LAMB3: variants seen among roughly 807,000 people sequenced by gnomAD.
LAMB3 encodes the protein laminin subunit beta 3.
In LAMB3, 104 loss-of-function variants were observed where a neutral mutation model predicts 140.3. The observed-to-expected ratio is 0.74, with a 90% CI of 0.63 to 0.87. The LOEUF (loss-of-function observed/expected upper bound fraction) is 0.87. Ranked by LOEUF, LAMB3 falls within the 40% of genes least tolerant of loss-of-function variation. The pLI is 0.00. For missense variants in LAMB3, 1,531 were observed against 1,575.2 expected (o/e 0.97, Z 0.47); for synonymous variants, 592 against 602.9 (o/e 0.98, Z 0.26).
At chr1:209,638,511 T>G in intron 4 of LAMB3, 23 bp downstream of exon 4, 1 of 1,477,312 alleles carries the variant, frequency 6.8e-7, no homozygotes, top group Non-Finnish European at 9.5e-7. Flanking sequence ...CAGTTTGAGT[T>G]CCCGTAGATG....
intron 3 of LAMB3, among the ~76,000 whole-genome samples, chr1:209,646,251 C>T (rs760692261): frequency 3.9e-5 from 6 of 152,128 alleles, no homozygotes; most frequent in East Asian, 3.9e-4. Context: ...CAGAGATGAC[C>T]GAAGGGCATG....
Position 209,632,646 on chromosome 1 carries a change from G to A in LAMB3, c.759C>T (p.His253=), listed in dbSNP as rs778399071. Residue 253 remains histidine, a synonymous_variant, in exon 8 of 23, where the codon CAC becomes CAT. Coordinates refer to ENST00000356082, the MANE Select transcript of LAMB3 (RefSeq NM_000228.3). The stretch of plus-strand genomic sequence containing the variant: ...TGGGTGCGCAGCGATCAGCATGGCC[G>A]TGACAGAAGCAGCTCCCCTGCAGAC... ...QLRLQGSCFC[H]GHADRCAPKP... 3.8e-5 allele frequency: 62 copies of A among 1,614,004 alleles called. No individual in the cohort carries two copies. Among genetic ancestry groups the A allele is most frequent in the Middle Eastern group, 1.6e-4 (1 of 6,084 alleles).
In LAMB3 at chr1:209,629,806, A is replaced by AGTTCTTGC; in HGVS notation, c.1055_1062dup (p.Cys355AlafsTer44). The AGTTCTTGC allele has an allele frequency of 6.2e-7, 1 of 1,614,006 alleles. No homozygotes were observed. The highest frequency in any genetic ancestry group is 2.2e-5 in the East Asian group (1 of 44,884). Reference sequence around the variant, plus strand: ...AAATAGTGCAGCTGACACCGCTCACAGTTCTTGCCTTCGGTGTGGTCCCGG... The same window carrying AGTTCTTGC: ...AAATAGTGCAGCTGACACCGCTCACAGTTCTTGCGTTCTTGCCTTCGGTGTGGTCCCGG... On this transcript the variant is annotated frameshift_variant, in exon 10 of 23. Transcript: ENST00000356082. LOFTEE classifies it high-confidence loss of function.
At chr1:209,651,716 G>A (rs890205302) in intron 1 of LAMB3, among the ~76,000 whole-genome samples, 1 of 152,166 alleles carries the variant, frequency 6.6e-6, no homozygotes, top group African/African-American at 2.4e-5. Flanking sequence ...ATGCTCGAAA[G>A]CCACCGTGGG....
chr1:209,619,515 C>T (rs1558148634), intron 18 of LAMB3, among the ~76,000 whole-genome samples: 1 of 152,204 alleles, frequency 6.6e-6, no homozygotes, highest in Non-Finnish European at 1.5e-5. Context: ...AGCTCAGTTT[C>T]CTGATCGGTG....
chr1:209,648,674 T>C (rs562629296), intron 3 of LAMB3, among the ~76,000 whole-genome samples: 2 of 152,180 alleles, frequency 1.3e-5, no homozygotes, highest in South Asian at 4.1e-4. Context: ...CAGACAGGAC[T>C]GGGATCAAGG....
intron 8 of LAMB3, 62 bp downstream of exon 8, chr1:209,632,521 A>G: frequency 7.5e-7 from 1 of 1,340,606 alleles, no homozygotes; most frequent in Admixed American, 2.0e-5. Flanking sequence ...GAGCCCCAAG[A>G]ATGTCTGTAG....
At chr1:209,622,877 TA>T in intron 17 of LAMB3, 104 bp downstream of exon 17, 1 of 1,443,570 alleles carries the variant, frequency 6.9e-7, no homozygotes, top group Non-Finnish European at 9.7e-7. Context: ...GCAGGTCACC[TA>T]AAATCTCTGG....
intron 5 of LAMB3, among the ~76,000 whole-genome samples, chr1:209,636,788 C>G (rs1301853183): frequency 6.6e-6 from 1 of 152,226 alleles, no homozygotes; most frequent in African/African-American, 2.4e-5. Flanking sequence ...TGGGTGCACT[C>G]CCTGACAAGC....
chr1:209,638,170 T>C (rs1434696017), intron 4 of LAMB3, among the ~76,000 whole-genome samples, 189 bp from the exon 5 acceptor site: 1 of 152,204 alleles, frequency 6.6e-6, no homozygotes, highest in Non-Finnish European at 1.5e-5. Context: ...TCCTATCTGT[T>C]TTTGGCTAAG....
At chr1:209,651,313 T>G (rs182732990) in intron 1 of LAMB3, 80 of 316,156 alleles carry the variant, frequency 2.5e-4, no homozygotes, top group African/African-American at 1.5e-3. Context: ...AGGAAAAGGC[T>G]GGACCCTTTG....
chr1:209,630,791 TG>T, intron 8 of LAMB3, 56 bp from the exon 9 acceptor site: 3 of 1,597,132 alleles, frequency 1.9e-6, no homozygotes, highest in Non-Finnish European at 2.6e-6. Flanking sequence ...GCACCAGGGA[TG>T]GACCTGCCCA....
Position 209,637,952 on chromosome 1 carries a change from G to T in LAMB3, c.328C>A (p.Leu110Met). The T allele has an allele frequency of 6.2e-7, 1 of 1,613,380 alleles. No homozygotes were observed. ...TCTTGAAGCTGGAATCTCCTGTCCA[G>T]GTCCAGCTGCAGAGAGACAGGGTTC... ...DVNPVSLQLD[L>M]DRRFQLQEVM... Residue 110 changes from leucine (L) to methionine (M), a missense_variant, in exon 5 of 23, where the codon CTG becomes ATG. Coordinates refer to ENST00000356082, the MANE Select transcript of LAMB3 (RefSeq NM_000228.3).
chr1:209,637,297 C>T (rs1571827610), intron 5 of LAMB3, among the ~76,000 whole-genome samples: 1 of 152,142 alleles, frequency 6.6e-6, no homozygotes, highest in African/African-American at 2.4e-5. Context: ...ATCTTATTAA[C>T]CAAATTTGAT....
chr1:209,630,884 A>G, intron 8 of LAMB3, 149 bp from the exon 9 acceptor site: 2 of 866,252 alleles, frequency 2.3e-6, no homozygotes, highest in Non-Finnish European at 3.7e-6. Flanking sequence ...AATGCCGCAG[A>G]CTTCACCCAG....
intron 13 of LAMB3, 35 bp from the exon 14 acceptor site, chr1:209,626,061 G>A (rs1666439972): frequency 6.2e-7 from 1 of 1,606,210 alleles, no homozygotes; most frequent in African/African-American, 1.3e-5. Context: ...AGAGACAGGG[G>A]TCAGGGAGAC....
At position 209,647,048 on chromosome 1, in the gene LAMB3, T is replaced by G. The variant is rs116686577; in HGVS notation, c.183+2916A>C. On this transcript the variant is annotated intron_variant, in intron 3 of 22. Transcript: ENST00000356082. ...AGGCCATTTTGGCAAAGAACAGCCT[T>G]GTCCCAACCACAGACAGTTAATGGG... Among the ~76,000 whole-genome samples the G allele has an allele frequency of 3.7e-3, 560 of 152,332 alleles. 3 individuals are homozygous for G. The highest frequency in any genetic ancestry group is 0.012 in the African/African-American group (500 of 41,582).
At chr1:209,618,692 C>T (rs761539584) in intron 18 of LAMB3, 33 bp from the exon 19 acceptor site, 10 of 1,598,798 alleles carry the variant, frequency 6.3e-6, no homozygotes, top group Non-Finnish European at 7.7e-6. Context: ...CTGTAGGAGC[C>T]CACTAACCTC....
At chr1:209,633,048 C>T (rs200975139) in intron 7 of LAMB3, 22 bp downstream of exon 7, 45 of 1,555,494 alleles carry the variant, frequency 2.9e-5, no homozygotes, top group East Asian at 4.5e-5. Flanking sequence ...GTTCCATGGA[C>T]AAGAGAAGTA....
Sources: allele counts gnomAD v4.1 joint callset (sites outside exome capture counted in the v4.1 genomes callset), GRCh38; gene constraint gnomAD v4.1.1; transcripts MANE v1.5; gene names NCBI Gene and HGNC (gene_info 2026-07-23, HGNC 2026-07-21).